PLCD4: variants seen among roughly 807,000 people sequenced by gnomAD.
PLCD4 encodes the protein phospholipase C delta 4.
A neutral mutation model predicts 90.2 loss-of-function variants in PLCD4; 63 were observed. The ratio of observed to expected loss-of-function variants is 0.70; its 90% CI spans 0.57 to 0.86. The LOEUF (loss-of-function observed/expected upper bound fraction) is 0.86, where lower values mean the gene tolerates loss of function less well. PLCD4 is among the 40% of genes least tolerant of loss of function. The pLI is 0.00. For synonymous variants in PLCD4, 294 were observed against 356.5 expected, an observed-to-expected ratio of 0.82 and a Z score of 1.97; for missense variants, 830 against 956.3, an observed-to-expected ratio of 0.87 and a Z score of 1.74.
intron 3 of PLCD4, among the ~76,000 whole-genome samples, chr2:218,616,921 T>G (rs1241255629): frequency 4.0e-4 from 10 of 24,958 alleles, no homozygotes; most frequent in African/African-American, 1.4e-3. Context: ...TATATATATA[T>G]ATATATAGAG....
intron 1 of PLCD4, among the ~76,000 whole-genome samples, chr2:218,613,392 CAAAAAAA>C (rs36096465): frequency 2.6e-5 from 2 of 76,818 alleles, no homozygotes; most frequent in Non-Finnish European, 4.8e-5. Flanking sequence ...AGTCTGTCTC[CAAAAAAA>C]AAAAAAAAAA....
At chr2:218,626,670 G>A (rs1696133587) in intron 6 of PLCD4, among the ~76,000 whole-genome samples, 1 of 152,156 alleles carries the variant, frequency 6.6e-6, no homozygotes, top group Admixed American at 6.5e-5. Flanking sequence ...TGAGATTGGA[G>A]GGAGCTATGG....
chr2:218,616,921 TATATATAGAGAGAGAGAGAGAGAGAG>T (rs1695618945), intron 3 of PLCD4, among the ~76,000 whole-genome samples: 1 of 24,942 alleles, frequency 4.0e-5, no homozygotes, highest in Non-Finnish European at 7.5e-5. Context: ...TATATATATA[TATATATAGAGAGAGAGAGAGAGAGAG>T]AGAGAGAGAG....
intron 3 of PLCD4, among the ~76,000 whole-genome samples, chr2:218,616,639 T>G (rs1695588457): frequency 6.6e-6 from 1 of 151,234 alleles, no homozygotes; most frequent in South Asian, 2.1e-4. Flanking sequence ...ATCACTTGAG[T>G]CCAGGAAGTT....
intron 3 of PLCD4, among the ~76,000 whole-genome samples, chr2:218,617,626 G>C (rs1695679627): frequency 6.6e-6 from 1 of 151,952 alleles, no homozygotes; most frequent in African/African-American, 2.4e-5. Flanking sequence ...TGCACTTATT[G>C]GCCAAACTCT....
Position 218,632,119 on chromosome 2 carries a change from T to G in PLCD4, c.1273-17T>G, listed in dbSNP as rs764924656. The G allele has an allele frequency of 1.4e-5, 22 of 1,589,826 alleles. 1 individual carries two copies. The South Asian group carries it at 2.5e-4, about 18-fold the overall frequency. ...AGAGCAGACAGGTAGACAGGCCCCT[T>G]CATTTTTGTCCCCTAGGAGCTTCGG... On this transcript the variant is annotated splice_polypyrimidine_tract_variant and intron_variant, in intron 9 of 15. Transcript: ENST00000450993.
At chr2:218,633,871 AAGGAGTT>A in intron 11 of PLCD4, 110 bp downstream of exon 11, 1 of 1,385,082 alleles carries the variant, frequency 7.2e-7, no homozygotes, top group Non-Finnish European at 1.0e-6. Flanking sequence ...AGGAGAGATG[AAGGAGTT>A]CAGAAACTCC....
At chr2:218,633,874 G>A (rs1696542341) in intron 11 of PLCD4, 113 bp downstream of exon 11, 1 of 1,061,180 alleles carries the variant, frequency 9.4e-7, no homozygotes, top group Non-Finnish European at 1.4e-6. Context: ...AGAGATGAAG[G>A]AGTTCAGAAA....
At chr2:218,614,807 A>C (rs1695506273) in intron 1 of PLCD4, among the ~76,000 whole-genome samples, 1 of 152,188 alleles carries the variant, frequency 6.6e-6, no homozygotes, top group Non-Finnish European at 1.5e-5. Context: ...AAATTTGAAA[A>C]TGTAGTTCTG....
At position 218,637,021 on chromosome 2, in the gene PLCD4, A is replaced by C; in HGVS notation, c.*444A>C. On this transcript the variant is annotated 3_prime_UTR_variant, in exon 16 of 16. Transcript: ENST00000450993. ...AAAGCCCAAAGCCAAGGGAAGGATAAATCAAGGCTCAAGGCTTCCCCAGCA... is the reference window on the plus strand; with the variant it reads ...AAAGCCCAAAGCCAAGGGAAGGATACATCAAGGCTCAAGGCTTCCCCAGCA... 1 of 425,932 alleles carries C rather than the reference A, an allele frequency of 2.3e-6. No individual in the cohort carries two copies. Among genetic ancestry groups the C allele is most frequent in the Non-Finnish European group, 4.7e-6 (1 of 214,022 alleles). 26.4% of individuals were successfully genotyped at this position (425,932 alleles called of 1,614,324 possible).
chr2:218,615,989 A>G lies in PLCD4; in HGVS notation c.108A>G (p.Arg36=). The change falls in exon 3 of 16, where the codon AGA becomes AGG. Residue 36 remains arginine (R), a synonymous_variant. Transcript: ENST00000450993. ...KVRSKSWKKL[R]YFRLQNDGMT... Reference sequence around the variant, plus strand: ...GGTCCAAAAGCTGGAAGAAGCTAAGATACTTCAGACTTCAGAATGACGGCA... The same window carrying G: ...GGTCCAAAAGCTGGAAGAAGCTAAGGTACTTCAGACTTCAGAATGACGGCA... The G allele has an allele frequency of 6.2e-7, 1 of 1,614,042 alleles. No homozygotes were observed. Among genetic ancestry groups the G allele is most frequent in the Non-Finnish European group, 8.5e-7 (1 of 1,179,900 alleles).
At chr2:218,619,024 C>G in intron 4 of PLCD4, 1 of 570,796 alleles carries the variant, frequency 1.8e-6, no homozygotes, top group South Asian at 2.2e-5. Flanking sequence ...GAATCAGGAC[C>G]CCCAGGATTG....
At position 218,634,084 on chromosome 2, in the gene PLCD4, CCT is replaced by C; in HGVS notation, c.1607-16_1607-15del. 6.3e-7 allele frequency: 1 copy of C among 1,590,798 alleles called. No individual in the cohort carries two copies. The highest frequency in any genetic ancestry group is 2.3e-5 in the East Asian group (1 of 43,880). On this transcript the variant is annotated intron_variant, in intron 11 of 15. Transcript: ENST00000450993. The surrounding 1 kb of genome is among the most constrained non-coding windows in gnomAD (Gnocchi z 4.0). ...GGAGATTCCACCCCACTTCCATCTC[CCT>C]CTCTATACCCTTTTACAGGCAATGA...
Position 218,619,805 on chromosome 2 carries a change from C to T in PLCD4, c.410+998C>T, listed in dbSNP as rs1364590599. The stretch of plus-strand genomic sequence containing the variant: ...AAAAATTAAGAAGTTAACTGAAAGA[C>T]TACACTTTCAGGGATAATTTCTATA... On this transcript the variant is annotated intron_variant, in intron 4 of 15. Transcript: ENST00000450993. 3.3e-5 allele frequency among the ~76,000 whole-genome samples: 5 copies of T among 152,206 alleles called. No individual in the cohort carries two copies. In the East Asian group the frequency reaches 9.6e-4, roughly 29 times the overall value.
intron 1 of PLCD4, among the ~76,000 whole-genome samples, chr2:218,614,021 T>C (rs1055326967): frequency 1.1e-4 from 16 of 151,496 alleles, no homozygotes; most frequent in Middle Eastern, 3.4e-3. Flanking sequence ...TCTTCTTCTT[T>C]TTTTTTTTTT....
chr2:218,631,908 G>A (rs1696393171), intron 9 of PLCD4, among the ~76,000 whole-genome samples: 1 of 152,022 alleles, frequency 6.6e-6, no homozygotes, highest in East Asian at 1.9e-4. Flanking sequence ...TGTGTCAAAT[G>A]TGTGGCAGGA....
At chr2:218,633,835 T>C in intron 11 of PLCD4, 74 bp downstream of exon 11, 2 of 1,546,088 alleles carry the variant, frequency 1.3e-6, no homozygotes, top group Non-Finnish European at 1.8e-6. Flanking sequence ...GGCAGGTAAG[T>C]CCCAAGAAAA....
chr2:218,623,808 G>A (rs1295524213), intron 6 of PLCD4, among the ~76,000 whole-genome samples: 4 of 152,044 alleles, frequency 2.6e-5, no homozygotes, highest in African/African-American at 7.2e-5. Flanking sequence ...TTAGCCTCCC[G>A]AGTAGCTGGG....
intron 10 of PLCD4, 92 bp downstream of exon 10, chr2:218,632,404 G>C: frequency 7.7e-7 from 1 of 1,303,082 alleles, no homozygotes; most frequent in Non-Finnish European, 1.0e-6. Context: ...GCAAGATGCA[G>C]GGCCAAGGAG....
Sources: allele counts gnomAD v4.1 joint callset (sites outside exome capture counted in the v4.1 genomes callset), GRCh38; gene constraint gnomAD v4.1.1; non-coding constraint Gnocchi (gnomAD v3.1); transcripts MANE v1.5; gene names NCBI Gene and HGNC (gene_info 2026-07-23, HGNC 2026-07-21).